Variants in SYNE2 observed in about 807,000 individuals in gnomAD.
SYNE2 encodes the protein nesprin-2.
A neutral mutation model predicts 856.3 loss-of-function variants in SYNE2; 431 were observed. The observed-to-expected ratio is 0.50, with a 90% CI of 0.47 to 0.55. The LOEUF (loss-of-function observed/expected upper bound fraction) is 0.55. Among genes scored for constraint, SYNE2 ranks in the 20% least tolerant of loss-of-function variants. SYNE2 has a pLI of 0.00. For missense variants in SYNE2, 8,129 were observed against 8,023.2 expected, an observed-to-expected ratio of 1.01 and a Z score of -0.50; for synonymous variants, 2,923 against 2,872.3, an observed-to-expected ratio of 1.02 and a Z score of -0.56.
At chr14:63,813,446 C>T (rs1888696017) in intron 1 of SYNE2, among the ~76,000 whole-genome samples, 1 of 152,178 alleles carries the variant, frequency 6.6e-6, no homozygotes. Context: ...TATGATTCTC[C>T]AAACAAACAT....
chr14:63,775,679 C>G (rs997391809), intron 1 of SYNE2, among the ~76,000 whole-genome samples: 1 of 152,154 alleles, frequency 6.6e-6, no homozygotes, highest in Non-Finnish European at 1.5e-5. Context: ...CTCCTTGCCT[C>G]AAGTGATCCT....
In SYNE2 at chr14:64,089,369, G is replaced by GAA. The variant is rs57358817; in HGVS notation, c.11671-178_11671-177dup. Among the ~76,000 whole-genome samples, 478 of 50,472 alleles carry GAA rather than the reference G, an allele frequency of 9.5e-3. 19 individuals are homozygous for GAA. The highest frequency in any genetic ancestry group is 0.032 in the African/African-American group (398 of 12,444). 33.1% of individuals were successfully genotyped at this position (50,472 alleles called of 152,430 possible). On this transcript the variant is annotated intron_variant, in intron 58 of 115. Transcript: ENST00000555002. ...CAACAAGAGCGAAACTCCGTCTCAGGAAAAAAAAAAAAAAAAAAAAAAAAA... is the reference window on the plus strand; with the variant it reads ...CAACAAGAGCGAAACTCCGTCTCAGGAAAAAAAAAAAAAAAAAAAAAAAAAAA...
At position 64,122,088 on chromosome 14, in the gene SYNE2, A is replaced by T. The variant is rs747628879; in HGVS notation, c.13235A>T (p.Gln4412Leu). The T allele has an allele frequency of 7.4e-6, 12 of 1,614,144 alleles. No individual in the cohort carries two copies. Among genetic ancestry groups the T allele is most frequent in the Non-Finnish European group, 1.0e-5 (12 of 1,180,014 alleles). Reference sequence around the variant, plus strand: ...TTTAATGCTAAGAAAATGTGGCCCCAGTATTGCCAACATGATAACGATACA... The same window carrying T: ...TTTAATGCTAAGAAAATGTGGCCCCTGTATTGCCAACATGATAACGATACA... ...IEFNAKKMWPQYCQHDNDTTQ... is the reference protein window; with the variant it reads ...IEFNAKKMWPLYCQHDNDTTQ... Residue 4412 changes from glutamine (Q) to leucine (L), a missense_variant, in exon 69 of 116, where the codon CAG (glutamine) becomes CTG (leucine). This residue lies in a region of SYNE2 where 5,410 missense variants were observed against 5,284.8 expected (regional missense o/e 1.02). Transcript: ENST00000555002.
At chr14:63,780,214 A>G (rs1309486638) in intron 1 of SYNE2, among the ~76,000 whole-genome samples, 1 of 152,174 alleles carries the variant, frequency 6.6e-6, no homozygotes, top group Non-Finnish European at 1.5e-5. Flanking sequence ...AAACTGTACT[A>G]TATTTATACA....
chr14:63,978,487 A>G (rs1406859169), intron 13 of SYNE2, among the ~76,000 whole-genome samples: 1 of 152,244 alleles, frequency 6.6e-6, no homozygotes, highest in East Asian at 1.9e-4. Context: ...AGAGGGTGTT[A>G]GCATTAATAA....
Position 64,225,231 on chromosome 14 carries a change from T to TCTTA in SYNE2, c.20517-82_20517-79dup, listed in dbSNP as rs1449173697. ...CTATTTAAATCTCAGGTCTTGGATT[T>TCTTA]CTTACTTACATAAGCAGGGGCTTAG... On this transcript the variant is annotated intron_variant, in intron 115 of 115. Transcript: ENST00000555002. The TCTTA allele has an allele frequency of 3.1e-6, 5 of 1,604,548 alleles. No homozygotes were observed. The Admixed American group carries it at 5.0e-5, about 16-fold the overall frequency.
intron 109 of SYNE2, 118 bp from the exon 110 acceptor site, chr14:64,219,090 C>G (rs570428638): frequency 2.6e-5 from 23 of 897,772 alleles, no homozygotes; most frequent in Middle Eastern, 6.7e-4. Context: ...AGGGGAATCC[C>G]CTACAGTTTT....
intron 110 of SYNE2, 106 bp from the exon 111 acceptor site, chr14:64,220,331 G>A (rs747355957): frequency 4.8e-5 from 60 of 1,243,266 alleles, no homozygotes; most frequent in South Asian, 2.9e-4. Context: ...TTCTGTGGCC[G>A]CAGCTTGGAA....
chr14:64,218,534 C>T (rs374937084), intron 109 of SYNE2, 22 bp downstream of exon 109: 3 of 1,604,410 alleles, frequency 1.9e-6, no homozygotes, highest in African/African-American at 2.7e-5. Context: ...AACTGGCAGT[C>T]GTCCAGAGAG....
chr14:64,101,057 G>A lies in SYNE2; in HGVS notation c.12382-875G>A, dbSNP rs549624834. Among the ~76,000 whole-genome samples, 100 of 152,114 alleles carry A rather than the reference G, an allele frequency of 6.6e-4. 1 individual carries two copies. The South Asian group carries it at 7.7e-3, about 12-fold the overall frequency. Reference sequence around the variant, plus strand: ...ATTTTCTTTATCCATTCATTTGTTGGTGGACACTTAGGTTAATTCCGTATC... The same window carrying A: ...ATTTTCTTTATCCATTCATTTGTTGATGGACACTTAGGTTAATTCCGTATC... On this transcript the variant is annotated intron_variant, in intron 63 of 115. Transcript: ENST00000555002.
At chr14:64,209,274 G>A in intron 101 of SYNE2, 154 bp from the exon 102 acceptor site, 1 of 1,277,954 alleles carries the variant, frequency 7.8e-7, no homozygotes, top group South Asian at 1.3e-5. Context: ...TCCCAGGCAG[G>A]AGGAGCACAG....
At chr14:63,894,188 G>A (rs1052949108) in intron 1 of SYNE2, among the ~76,000 whole-genome samples, 1 of 151,140 alleles carries the variant, frequency 6.6e-6, no homozygotes, top group African/African-American at 2.4e-5. Context: ...TCTTTTTAAT[G>A]TGCTGGCATT....
chr14:64,006,268 A>G (rs540913114), intron 30 of SYNE2, among the ~76,000 whole-genome samples: 1 of 152,290 alleles, frequency 6.6e-6, no homozygotes, highest in South Asian at 2.1e-4. Flanking sequence ...TTTTGTACAT[A>G]ACGGAGAAAT....
chr14:64,223,237 CAGG>C lies in SYNE2; in HGVS notation c.20242_20244del (p.Glu6748del). The stretch of plus-strand genomic sequence containing the variant: ...ACGTCAACCTCAAGTGGACATGTTA[CAGG>C]AGATTTCAAACAGCCTTCTCATTAA... On this transcript the variant is annotated inframe_deletion, in exon 113 of 116. Coordinates refer to ENST00000555002, the MANE Select transcript of SYNE2 (RefSeq NM_182914.3). 1.2e-6 allele frequency: 2 copies of C among 1,614,088 alleles called. No individual in the cohort carries two copies. The highest frequency in any genetic ancestry group is 1.7e-6 in the Non-Finnish European group (2 of 1,180,000).
In SYNE2 at chr14:64,021,968, A is replaced by G; in HGVS notation, c.5464A>G (p.Ser1822Gly). The change falls in exon 37 of 116, where the codon AGT becomes GGT. Residue 1822 changes from serine (S) to glycine (G), a missense_variant. By Grantham distance (56) the Ser-to-Gly change is moderately conservative. Transcript: ENST00000555002. ...SELKKQYESVSDLFNTKKSVL... is the reference protein window; with the variant it reads ...SELKKQYESVGDLFNTKKSVL... Reference sequence around the variant, plus strand: ...ATTGAAAAAGCAATATGAAAGTGTCAGTGATTTATTTAATACCAAAAAAAG... The same window carrying G: ...ATTGAAAAAGCAATATGAAAGTGTCGGTGATTTATTTAATACCAAAAAAAG... The G allele has an allele frequency of 6.2e-7, 1 of 1,613,898 alleles. No individual in the cohort carries two copies. The highest frequency in any genetic ancestry group is 8.5e-7 in the Non-Finnish European group (1 of 1,179,862).
intron 89 of SYNE2, 93 bp downstream of exon 89, chr14:64,163,674 G>C: frequency 6.8e-7 from 1 of 1,477,506 alleles, no homozygotes. Context: ...TGCTTTACGG[G>C]CTGCTCCTTA....
chr14:63,824,142 C>A (rs1889329239), intron 1 of SYNE2, among the ~76,000 whole-genome samples: 1 of 152,138 alleles, frequency 6.6e-6, no homozygotes, highest in South Asian at 2.1e-4. Context: ...AGTTAGAGAT[C>A]AGCCTGGGCA....
chr14:63,998,099 A>G, intron 25 of SYNE2, 120 bp from the exon 26 acceptor site: 1 of 788,352 alleles, frequency 1.3e-6, no homozygotes, highest in Non-Finnish European at 2.2e-6. Context: ...AAGAAATTGT[A>G]TTATCTCCTG....
At chr14:64,138,569 TATAAA>T (rs1567426629) in intron 79 of SYNE2, among the ~76,000 whole-genome samples, 2 of 152,174 alleles carry the variant, frequency 1.3e-5, no homozygotes, top group African/African-American at 4.8e-5. Context: ...GGAATTATGT[TATAAA>T]ATAATATATA....
Sources: gnomAD v4.1 joint callset for allele counts (sites outside exome capture counted in the v4.1 genomes callset) on GRCh38, gnomAD v4.1.1 for gene constraint, gnomAD v4.1.1 regional missense constraint, MANE v1.5 for transcripts, NCBI Gene and HGNC (gene_info 2026-07-23, HGNC 2026-07-21) for gene names.